The following ARPIN variants were observed in gnomAD, a reference collection of about 807,000 sequenced individuals.
ARPIN encodes the protein UPF0552 protein C15orf38.
Under a neutral mutation model 25.9 loss-of-function variants are expected in ARPIN, and 23 were observed. That is an observed-to-expected ratio of 0.89 (90% confidence interval 0.64 to 1.26). ARPIN has a LOEUF of 1.26. Among genes scored for constraint, ARPIN ranks in the 50% most tolerant of loss-of-function variants. The pLI, the probability that ARPIN is intolerant of heterozygous loss-of-function variation, is 0.00. For synonymous variants in ARPIN, 126 were observed against 131.4 expected, an observed-to-expected ratio of 0.96 and a Z score of 0.28; for missense variants, 333 against 312.2, an observed-to-expected ratio of 1.07 and a Z score of -0.50.
chr15:89,904,194 G>T (rs757731973), intron 3 of ARPIN, among the ~76,000 whole-genome samples: 1 of 152,116 alleles, frequency 6.6e-6, no homozygotes, highest in East Asian at 1.9e-4. Flanking sequence ...GCAGATCTGG[G>T]CTCCACAATA....
chr15:89,904,426 G>C (rs888922123), intron 3 of ARPIN, among the ~76,000 whole-genome samples: 2 of 152,196 alleles, frequency 1.3e-5, no homozygotes, highest in African/African-American at 4.8e-5. Flanking sequence ...TCACACAGTA[G>C]TAGAGGAGGC....
At position 89,897,765 on chromosome 15, in the gene ARPIN, T is replaced by A. The variant is rs1156992065; in HGVS notation, c.*4030A>T. On this transcript the variant is annotated 3_prime_UTR_variant, in exon 6 of 6. Transcript: ENST00000357484. The stretch of plus-strand genomic sequence containing the variant: ...TTCCCCTTTAAATATATTTCCTAAA[T>A]GCATTGCTATTTGTGGAGATTAGTT... 6.6e-6 allele frequency: 1 copy of A among 152,318 alleles called. No individual in the cohort carries two copies. The highest frequency in any genetic ancestry group is 1.9e-4 in the East Asian group (1 of 5,182). 9.4% of individuals were successfully genotyped at this position (152,318 alleles called of 1,614,324 possible).
rs755622738 is a variant in ARPIN, at chr15:89,901,821, G to T, written c.673-18C>A. The T allele has an allele frequency of 6.2e-7, 1 of 1,613,672 alleles. No homozygotes were observed. On this transcript the variant is annotated intron_variant, in intron 5 of 5. Coordinates refer to ENST00000357484, the MANE Select transcript of ARPIN (RefSeq NM_182616.4). ...CAGTCATCCTAGAGAAATCCAAGGG[G>T]TAAAGAGATGTGGAGACAGCACATG...
At chr15:89,906,525 C>T (rs1049571160) in intron 3 of ARPIN, among the ~76,000 whole-genome samples, 2 of 152,184 alleles carry the variant, frequency 1.3e-5, no homozygotes, top group African/African-American at 4.8e-5. Flanking sequence ...GCACCCTTCA[C>T]GGGATCCAGG....
At chr15:89,904,151 G>A (rs948813714) in intron 3 of ARPIN, among the ~76,000 whole-genome samples, 168 bp from the exon 4 acceptor site, 3 of 152,148 alleles carry the variant, frequency 2.0e-5, no homozygotes, top group Non-Finnish European at 2.9e-5. Context: ...CAGCAGAGGC[G>A]GACAGGCATG....
chr15:89,908,535 T>A (rs1294903784), intron 2 of ARPIN, 123 bp from the exon 3 acceptor site: 1 of 1,499,096 alleles, frequency 6.7e-7, no homozygotes, highest in Non-Finnish European at 8.9e-7. Flanking sequence ...CTCCAAAAGA[T>A]GTTCAAGCTA....
In ARPIN at chr15:89,903,906, C is replaced by T. The variant is rs562210233; in HGVS notation, c.379G>A (p.Ala127Thr). ...KGLVNKPELL[A>T]LTESLTPDHT... Reference sequence around the variant, plus strand: ...TCGGGGGTGAGGCTCTCTGTCAGCGCGAGCAGCTCTGGCTTGTTGACCAGC... The same window carrying T: ...TCGGGGGTGAGGCTCTCTGTCAGCGTGAGCAGCTCTGGCTTGTTGACCAGC... The change falls in exon 4 of 6, where the codon GCG (alanine) becomes ACG (threonine). Residue 127 changes from alanine (A) to threonine (T), a missense_variant. By Grantham distance (58) the Ala-to-Thr change is moderately conservative (BLOSUM62 0). Transcript: ENST00000357484. The T allele has an allele frequency of 7.5e-5, 121 of 1,613,658 alleles. No individual in the cohort carries two copies. The highest frequency in any genetic ancestry group is 9.4e-5 in the Non-Finnish European group (111 of 1,180,034).
Position 89,910,814 on chromosome 15 carries a change from T to C in ARPIN, c.98A>G (p.Asn33Ser), listed in dbSNP as rs1897210094. The change falls in exon 2 of 6, where the codon AAT (asparagine) becomes AGT (serine). Residue 33 changes from asparagine to serine, a missense_variant. Asn to Ser is a conservative substitution (Grantham distance 46, BLOSUM62 1). Transcript: ENST00000357484. ...CAGTTCTCCCTCCAGCAGGACACCATTTCCCCTGGGGATGAAAGGGAAAGA... is the reference window on the plus strand; with the variant it reads ...CAGTTCTCCCTCCAGCAGGACACCACTTCCCCTGGGGATGAAAGGGAAAGA... ...AWDPAAHQGG[N>S]GVLLEGELID... 1 of 1,614,074 alleles carries C rather than the reference T, an allele frequency of 6.2e-7. No homozygotes were observed. Among genetic ancestry groups the C allele is most frequent in the Non-Finnish European group, 8.5e-7 (1 of 1,179,982 alleles).
chr15:89,903,874 T>G lies in ARPIN; in HGVS notation c.411A>C (p.Thr137=), dbSNP rs1446789637. The change falls in exon 4 of 6, where the codon ACA becomes ACC. Residue 137 remains threonine (T), a synonymous_variant. Coordinates refer to ENST00000357484, the MANE Select transcript of ARPIN (RefSeq NM_182616.4). ...ALTESLTPDH[T]VAFWMPESEM... is the part of the protein sequence containing the mutation. ...CTGACTCGGGCATCCAGAACGCCAC[T>G]GTGTGGTCGGGGGTGAGGCTCTCTG... 1.9e-6 allele frequency: 3 copies of G among 1,614,100 alleles called. No individual in the cohort carries two copies. The highest frequency in any genetic ancestry group is 2.5e-6 in the Non-Finnish European group (3 of 1,180,036).
At chr15:89,909,001 A>T (rs953611973) in intron 2 of ARPIN, among the ~76,000 whole-genome samples, 5 of 152,060 alleles carry the variant, frequency 3.3e-5, no homozygotes, top group African/African-American at 1.2e-4. Flanking sequence ...AAAACAAAAC[A>T]AAACAAAACC....
intron 1 of ARPIN, chr15:89,912,214 C>G (rs532441219): frequency 3.1e-4 from 302 of 986,452 alleles, no homozygotes; most frequent in Admixed American, 4.9e-4. Context: ...TTTCACTTAG[C>G]ACAATTCTTC....
chr15:89,912,829 G>A lies in ARPIN; in HGVS notation c.7C>T (p.Arg3Cys), dbSNP rs751485913. 1 of 1,522,396 alleles carries A rather than the reference G, an allele frequency of 6.6e-7. No individual in the cohort carries two copies. Among genetic ancestry groups the A allele is most frequent in the South Asian group, 1.2e-5 (1 of 82,070 alleles). 94.3% of individuals were successfully genotyped at this position (1,522,396 alleles called of 1,614,324 possible). MS[R>C]IYHDGALRNK... The stretch of plus-strand genomic sequence containing the variant: ...CGGAGCGCGCCGTCGTGGTAGATGC[G>A]GCTCATTCTCCCGACCGCCCGGGCA... Residue 3 changes from arginine (R) to cysteine (C), a missense_variant, in exon 1 of 6, where the codon CGC becomes TGC. Arg to Cys is a radical substitution (Grantham distance 180). Coordinates refer to ENST00000357484, the MANE Select transcript of ARPIN (RefSeq NM_182616.4).
rs1270304411 is a variant in ARPIN at position 89,895,976 on chromosome 15, T to G, written c.*5819A>C. The G allele has an allele frequency of 6.6e-6, 1 of 152,278 alleles. No individual in the cohort carries two copies. The highest frequency in any genetic ancestry group is 1.9e-4 in the East Asian group (1 of 5,208). 9.4% of individuals were successfully genotyped at this position (152,278 alleles called of 1,614,324 possible). ...CAATCTTGGCTCACTGCAACCTCCG[T>G]CTCCCGGGTTCAAACAATTCTCCTG... On this transcript the variant is annotated 3_prime_UTR_variant, in exon 6 of 6. Transcript: ENST00000357484.
chr15:89,901,913 G>A (rs1897028002), intron 5 of ARPIN, 110 bp from the exon 6 acceptor site: 2 of 1,339,202 alleles, frequency 1.5e-6, no homozygotes, highest in African/African-American at 1.5e-5. Flanking sequence ...TGGGGCCCAT[G>A]AGTGCTTGCC....
chr15:89,901,905 G>C, intron 5 of ARPIN, 102 bp from the exon 6 acceptor site: 1 of 1,400,710 alleles, frequency 7.1e-7, no homozygotes, highest in Non-Finnish European at 1.0e-6. Context: ...GGTACCTGTG[G>C]GGCCCATGAG....
rs947650857 is a variant in ARPIN at position 89,912,869 on chromosome 15, CGGCGCACTGGGCTGGG to C, written c.-50_-35del. 4 of 1,507,736 alleles carry C rather than the reference CGGCGCACTGGGCTGGG, an allele frequency of 2.7e-6. No homozygotes were observed. In the African/African-American group the frequency reaches 4.4e-5, roughly 16 times the overall value. 93.4% of individuals were successfully genotyped at this position (1,507,736 alleles called of 1,614,324 possible). A position where few individuals can be genotyped will look rare whatever the true frequency, so the allele number is the denominator to read the frequency against. ...CCGCCCGGGCACCCCGGCACAGAGC[CGGCGCACTGGGCTGGG>C]GGCGCGGCGCGGGAAGTGCTGCAGG... On this transcript the variant is annotated 5_prime_UTR_variant, in exon 1 of 6. Transcript: ENST00000357484.
At chr15:89,909,402 G>A (rs957441901) in intron 2 of ARPIN, among the ~76,000 whole-genome samples, 34 of 152,134 alleles carry the variant, frequency 2.2e-4, no homozygotes, top group Non-Finnish European at 7.4e-5. Flanking sequence ...GAAGCTGTAG[G>A]AATAATATTA....
At chr15:89,906,862 G>A (rs1897128706) in intron 3 of ARPIN, among the ~76,000 whole-genome samples, 1 of 151,822 alleles carries the variant, frequency 6.6e-6, no homozygotes, top group African/African-American at 2.4e-5. Context: ...GGCTGAGGCA[G>A]GAGAATCGCT....
intron 1 of ARPIN, 101 bp downstream of exon 1, chr15:89,912,643 C>G (rs1304825130): frequency 7.4e-7 from 1 of 1,343,412 alleles, no homozygotes; most frequent in Non-Finnish European, 9.5e-7. Flanking sequence ...TTTGGCAACC[C>G]CAGTTTTCCC....
Sources: allele counts gnomAD v4.1 joint callset (sites outside exome capture counted in the v4.1 genomes callset), GRCh38; gene constraint gnomAD v4.1.1; transcripts MANE v1.5; gene names NCBI Gene and HGNC (gene_info 2026-07-23, HGNC 2026-07-21).